The following DPM2 variants were observed in gnomAD, a reference collection of about 807,000 sequenced individuals.
The protein encoded by DPM2 is dolichyl-phosphate mannosyltransferase subunit 2, regulatory.
DPM2 carries 8 observed loss-of-function variants against 12.1 expected under a neutral mutation model. That is an observed-to-expected ratio of 0.66 (90% CI 0.39 to 1.19). The LOEUF (loss-of-function observed/expected upper bound fraction) is 1.19. Ranked by LOEUF, DPM2 falls within the 50% of genes most tolerant of loss-of-function variation. DPM2 has a pLI of 0.01. For missense variants in DPM2, 93 were observed against 102.5 expected (o/e 0.91, Z 0.40); for synonymous variants, 38 against 44.7 (o/e 0.85, Z 0.60).
intron 3 of DPM2, 49 bp from the exon 4 acceptor site, chr9:127,935,829 G>T: frequency 1.3e-6 from 2 of 1,591,872 alleles, no homozygotes; most frequent in Non-Finnish European, 8.6e-7. Context: ...GCTCAGGGCT[G>T]CTGGGAGGCC....
chr9:127,935,854 C>A (rs773384426), intron 3 of DPM2, 74 bp from the exon 4 acceptor site: 12 of 1,431,732 alleles, frequency 8.4e-6, no homozygotes, highest in Non-Finnish European at 1.2e-5. Context: ...CATGACACAG[C>A]AGAGCCACCC....
chr9:127,935,474 T>G lies in DPM2; in HGVS notation c.*248A>C. 3.5e-6 allele frequency: 2 copies of G among 567,012 alleles called. No individual in the cohort carries two copies. The highest frequency in any genetic ancestry group is 6.3e-6 in the Non-Finnish European group (2 of 316,854). 35.1% of individuals were successfully genotyped at this position (567,012 alleles called of 1,614,324 possible). A position where few individuals can be genotyped will look rare whatever the true frequency, so the allele number is the denominator to read the frequency against. On this transcript the variant is annotated 3_prime_UTR_variant, in exon 4 of 4. Coordinates refer to ENST00000314392, the MANE Select transcript of DPM2 (RefSeq NM_003863.4). The stretch of plus-strand genomic sequence containing the variant: ...GAGTGAGGTTGGGAGGACCAGCATC[T>G]TTTAGGCCCTGAGCAAGAAGGAGGT...
chr9:127,936,275 A>G (rs1296867311), intron 3 of DPM2: 2 of 1,442,728 alleles, frequency 1.4e-6, no homozygotes. Flanking sequence ...AGGTGCAGGA[A>G]TTAGAAGCCA....
At position 127,935,282 on chromosome 9, in the gene DPM2, G is replaced by C; in HGVS notation, c.*440C>G. ...TTTCCAGGTCCAGAAGGCTTTGTGG[G>C]GTCTGGGGCTGTGTCAGGGTAAGGA... On this transcript the variant is annotated 3_prime_UTR_variant, in exon 4 of 4. Coordinates refer to ENST00000314392, the MANE Select transcript of DPM2 (RefSeq NM_003863.4). 4.2e-6 allele frequency: 1 copy of C among 236,150 alleles called. No homozygotes were observed. The highest frequency in any genetic ancestry group is 4.8e-5 in the South Asian group (1 of 20,894). 14.6% of individuals were successfully genotyped at this position (236,150 alleles called of 1,614,324 possible). A position where few individuals can be genotyped will look rare whatever the true frequency, so the allele number is the denominator to read the frequency against.
At chr9:127,937,325 A>AGATGAGGCAGGC in intron 2 of DPM2, 109 bp downstream of exon 2, 2 of 790,364 alleles carry the variant, frequency 2.5e-6, no homozygotes, top group Non-Finnish European at 4.2e-6. Flanking sequence ...AGAGTTCAAG[A>AGATGAGGCAGGC]GATGAGGCAG....
At chr9:127,936,728 CT>C (rs1405224882) in intron 2 of DPM2, 73 bp from the exon 3 acceptor site, 1 of 1,356,428 alleles carries the variant, frequency 7.4e-7, no homozygotes, top group East Asian at 2.7e-5. Flanking sequence ...GTCCCACCTC[CT>C]CCATCTAAGG....
At chr9:127,936,251 G>C in intron 3 of DPM2, 1 of 1,422,500 alleles carries the variant, frequency 7.0e-7, no homozygotes, top group Non-Finnish European at 9.2e-7. Flanking sequence ...TCCCTAGGAA[G>C]CCATGAGAGA....
rs532790675 is a variant in DPM2, at chr9:127,937,461, G to A, written c.66C>T (p.Thr22=). ...AGAGAATCACCCAGGCGGTGTAGTA[G>A]GTGAAGATGATCAGGCTAACGGCGA... The part of the protein sequence containing the change: ...GLVAVSLIIF[T]YYTAWVILLP... Residue 22 remains threonine, a synonymous_variant, in exon 2 of 4, where the codon ACC becomes ACT. Transcript: ENST00000314392. 3 of 1,613,974 alleles carry A rather than the reference G, an allele frequency of 1.9e-6. No homozygotes were observed. The highest frequency in any genetic ancestry group is 2.5e-6 in the Non-Finnish European group (3 of 1,179,874).
In DPM2 at chr9:127,935,827, C is replaced by T. The variant is rs1033554698; in HGVS notation, c.197-47G>A. On this transcript the variant is annotated intron_variant, in intron 3 of 3. Transcript: ENST00000314392. ...GGCCACATAAGATCTAAGCTCAGGGCTGCTGGGAGGCCAGGGCATGACACA... is the reference window on the plus strand; with the variant it reads ...GGCCACATAAGATCTAAGCTCAGGGTTGCTGGGAGGCCAGGGCATGACACA... 3.8e-6 allele frequency: 6 copies of T among 1,597,192 alleles called. No individual in the cohort carries two copies. The African/African-American group carries it at 4.0e-5, about 11-fold the overall frequency.
In DPM2 at chr9:127,935,464, G is replaced by A; in HGVS notation, c.*258C>T. The A allele has an allele frequency of 1.8e-6, 1 of 556,824 alleles. No homozygotes were observed. The allele number at this position is 556,824 out of a possible 1,614,324, so 34.5% of individuals were successfully genotyped here. On this transcript the variant is annotated 3_prime_UTR_variant, in exon 4 of 4. Coordinates refer to ENST00000314392, the MANE Select transcript of DPM2 (RefSeq NM_003863.4). ...GGGAGTCTGAGAGTGAGGTTGGGAG[G>A]ACCAGCATCTTTTAGGCCCTGAGCA...
chr9:127,935,744 C>T lies in DPM2; in HGVS notation c.233G>A (p.Arg78Lys). ...CCTTCACTGAGCCTTCTTGGTCACT[C>T]TCTTGGTCTTCAGCATCACATAGGA... ...FISYVMLKTKRVTKKAQ is the reference protein window; with the variant it reads ...FISYVMLKTKKVTKKAQ Residue 78 changes from arginine (R) to lysine (K), a missense_variant, in exon 4 of 4, where the codon AGA becomes AAA. Coordinates refer to ENST00000314392, the MANE Select transcript of DPM2 (RefSeq NM_003863.4). 5.0e-6 allele frequency: 8 copies of T among 1,613,212 alleles called. No individual in the cohort carries two copies. The highest frequency in any genetic ancestry group is 6.8e-6 in the Non-Finnish European group (8 of 1,179,190).
intron 3 of DPM2, chr9:127,936,309 T>G: frequency 6.8e-7 from 1 of 1,461,204 alleles, no homozygotes; most frequent in East Asian, 2.5e-5. Context: ...GTGACTGAGG[T>G]GTGAGCAGAG....
intron 3 of DPM2, 106 bp downstream of exon 3, chr9:127,936,447 G>A (rs1407139695): frequency 3.1e-6 from 5 of 1,610,102 alleles, no homozygotes; most frequent in Non-Finnish European, 4.2e-6. Context: ...CCACGGGTGA[G>A]TTCGGGGCAA....
At chr9:127,936,709 A>G (rs559979094) in intron 2 of DPM2, 54 bp from the exon 3 acceptor site, 1 of 1,412,982 alleles carries the variant, frequency 7.1e-7, no homozygotes, top group South Asian at 1.6e-5. Context: ...CGAGCCCCCA[A>G]GCCCAAACGT....
Position 127,935,363 on chromosome 9 carries a change from C to G in DPM2, c.*359G>C. On this transcript the variant is annotated 3_prime_UTR_variant, in exon 4 of 4. Transcript: ENST00000314392. ...AGAGGTCACACATGTGGCCTTAGAA[C>G]CTGCTAAGTCCAACGTCAGCATGTG... 1 of 373,132 alleles carries G rather than the reference C, an allele frequency of 2.7e-6. No individual in the cohort carries two copies. Among genetic ancestry groups the G allele is most frequent in the Non-Finnish European group, 5.1e-6 (1 of 196,662 alleles). 23.1% of individuals were successfully genotyped at this position (373,132 alleles called of 1,614,324 possible). A position where few individuals can be genotyped will look rare whatever the true frequency, so the allele number is the denominator to read the frequency against.
intron 3 of DPM2, 160 bp from the exon 4 acceptor site, chr9:127,935,940 T>A: frequency 1.5e-6 from 1 of 665,062 alleles, no homozygotes. Context: ...TCAAGGCATA[T>A]GTCTACTCAC....
intron 2 of DPM2, 83 bp from the exon 3 acceptor site, chr9:127,936,738 G>C (rs1399743303): frequency 8.0e-7 from 1 of 1,256,922 alleles, no homozygotes; most frequent in African/African-American, 1.5e-5. Context: ...CTCCATCTAA[G>C]GGGCTGACCC....
At position 127,936,636 on chromosome 9, in the gene DPM2, T is replaced by G; in HGVS notation, c.113A>C (p.His38Pro). The G allele has an allele frequency of 6.6e-7, 1 of 1,505,996 alleles. No homozygotes were observed. The highest frequency in any genetic ancestry group is 8.9e-7 in the Non-Finnish European group (1 of 1,126,188). The allele number at this position is 1,505,996 out of a possible 1,614,324, so 93.3% of individuals were successfully genotyped here. The change falls in exon 3 of 4, where the codon CAT (histidine) becomes CCT (proline). Residue 38 changes from histidine (H) to proline (P), a missense_variant. By Grantham distance (77) the His-to-Pro change is moderately conservative (BLOSUM62 -2). Coordinates refer to ENST00000314392, the MANE Select transcript of DPM2 (RefSeq NM_003863.4). ...GGGCAGGAAATACTTGTGGATGACA[T>G]GCTGACTGTCGATGAATGGCTGGCA... ...VILLPFIDSQ[H>P]VIHKYFLPRA...
At position 127,935,205 on chromosome 9, in the gene DPM2, G is replaced by T; in HGVS notation, c.*517C>A. On this transcript the variant is annotated 3_prime_UTR_variant, in exon 4 of 4. Transcript: ENST00000314392. Reference sequence around the variant, plus strand: ...GTCAGTCGGTCAGCGGCCCGGGGTGGCTGCCCTGAGCCCCAGGGCTGGTCC... The same window carrying T: ...GTCAGTCGGTCAGCGGCCCGGGGTGTCTGCCCTGAGCCCCAGGGCTGGTCC... The T allele has an allele frequency of 5.8e-6, 1 of 172,982 alleles. No homozygotes were observed. Among genetic ancestry groups the T allele is most frequent in the Non-Finnish European group, 1.2e-5 (1 of 81,756 alleles). The allele number at this position is 172,982 out of a possible 1,614,324, so 10.7% of individuals were successfully genotyped here. A position where few individuals can be genotyped will look rare whatever the true frequency, so the allele number is the denominator to read the frequency against.
Sources: allele counts gnomAD v4.1 joint callset, GRCh38; gene constraint gnomAD v4.1.1; transcripts MANE v1.5; gene names NCBI Gene and HGNC (gene_info 2026-07-23, HGNC 2026-07-21).